METAP2: variants seen among roughly 807,000 people sequenced by gnomAD.
METAP2 encodes methionyl aminopeptidase 2, also known as methionine aminopeptidase 2.
METAP2 carries 25 observed loss-of-function variants against 59.4 expected under a neutral mutation model. The ratio of observed to expected loss-of-function variants is 0.42; its 90% CI spans 0.31 to 0.59. The LOEUF is 0.59. METAP2 is among the 20% of genes least tolerant of loss of function. The pLI is 0.16. For missense variants in METAP2, 366 were observed against 581.2 expected (o/e 0.63, Z 3.81); for synonymous variants, 214 against 194.1 (o/e 1.10, Z -0.85).
chr12:95,483,067 T>C lies in METAP2; in HGVS notation c.260-148T>C, dbSNP rs367693600. 359 of 702,554 alleles carry C rather than the reference T, an allele frequency of 5.1e-4. 1 individual carries two copies. In the African/African-American group the frequency reaches 5.7e-3, roughly 11 times the overall value. The allele number at this position is 702,554 out of a possible 1,614,324, so 43.5% of individuals were successfully genotyped here. On this transcript the variant is annotated intron_variant, in intron 2 of 10. Transcript: ENST00000323666. ...CCTGGTAGCTGCTTCCTATTTCTTATTTCAGTGAAAGAATAAATGTAAACA... is the reference window on the plus strand; with the variant it reads ...CCTGGTAGCTGCTTCCTATTTCTTACTTCAGTGAAAGAATAAATGTAAACA...
intron 4 of METAP2, among the ~76,000 whole-genome samples, chr12:95,488,900 A>AC (rs1555191067): frequency 6.6e-6 from 1 of 152,088 alleles, no homozygotes; most frequent in Non-Finnish European, 1.5e-5. Flanking sequence ...ACACACACAC[A>AC]AATGTCCTTG....
At chr12:95,481,334 C>G (rs114656033) in intron 2 of METAP2, among the ~76,000 whole-genome samples, 1 of 152,118 alleles carries the variant, frequency 6.6e-6, no homozygotes, top group Non-Finnish European at 1.5e-5. Context: ...TTTCCTGAGT[C>G]TGGGAGATTG....
In METAP2 at chr12:95,514,126, C is replaced by A; in HGVS notation, c.*222C>A. The A allele has an allele frequency of 1.9e-6, 1 of 523,598 alleles. No individual in the cohort carries two copies. The highest frequency in any genetic ancestry group is 3.3e-6 in the Non-Finnish European group (1 of 307,430). 32.4% of individuals were successfully genotyped at this position (523,598 alleles called of 1,614,324 possible). On this transcript the variant is annotated 3_prime_UTR_variant, in exon 11 of 11. Coordinates refer to ENST00000323666, the MANE Select transcript of METAP2 (RefSeq NM_006838.4). ...TTAAATGCTAACTGTTTTTCCCCTTCCTGTCTAGGAAAATGCTATAAAGCT... is the reference window on the plus strand; with the variant it reads ...TTAAATGCTAACTGTTTTTCCCCTTACTGTCTAGGAAAATGCTATAAAGCT...
rs59244667 is a variant in METAP2 at position 95,478,130 on chromosome 12, A to C, written c.259+1952A>C. Among the ~76,000 whole-genome samples, 384 of 149,580 alleles carry C rather than the reference A, an allele frequency of 2.6e-3. 1 individual carries two copies. The highest frequency in any genetic ancestry group is 5.6e-3 in the African/African-American group (228 of 40,732). ...ACCCGTCCACCTCCCCCCACCCCCC[A>C]AAAAAAATCACAGTGCTAATCTTGA... On this transcript the variant is annotated intron_variant, in intron 2 of 10. Coordinates refer to ENST00000323666, the MANE Select transcript of METAP2 (RefSeq NM_006838.4).
chr12:95,509,667 C>G (rs2076387035), intron 8 of METAP2, among the ~76,000 whole-genome samples: 1 of 152,078 alleles, frequency 6.6e-6, no homozygotes, highest in African/African-American at 2.4e-5. Context: ...AACTTTGACA[C>G]ATTTATATAA....
chr12:95,480,131 A>G lies in METAP2; in HGVS notation c.260-3084A>G, dbSNP rs921875769. On this transcript the variant is annotated intron_variant, in intron 2 of 10. Transcript: ENST00000323666. ...GTTTTGGCCTTTCCTGGAGTATCCTATAAATGGAATTATTCGGTATGTAGT... is the reference window on the plus strand; with the variant it reads ...GTTTTGGCCTTTCCTGGAGTATCCTGTAAATGGAATTATTCGGTATGTAGT... Among the ~76,000 whole-genome samples, 9 of 152,210 alleles carry G rather than the reference A, an allele frequency of 5.9e-5. No homozygotes were observed. The South Asian group carries it at 6.2e-4, about 11-fold the overall frequency.
intron 4 of METAP2, among the ~76,000 whole-genome samples, chr12:95,493,192 T>G (rs1338110169): frequency 6.6e-6 from 1 of 152,170 alleles, no homozygotes; most frequent in Non-Finnish European, 1.5e-5. Flanking sequence ...AATAAAAAAT[T>G]CTGTCAGTTG....
chr12:95,491,832 G>A (rs550297828), intron 4 of METAP2, among the ~76,000 whole-genome samples: 3 of 151,872 alleles, frequency 2.0e-5, no homozygotes, highest in Admixed American at 6.6e-5. Flanking sequence ...TTTGAGATAG[G>A]GTCTCATTCT....
At chr12:95,491,701 A>G (rs757198500) in intron 4 of METAP2, among the ~76,000 whole-genome samples, 1 of 151,972 alleles carries the variant, frequency 6.6e-6, no homozygotes, top group Non-Finnish European at 1.5e-5. Context: ...TAGTAGAAAC[A>G]GGGTCTTTCT....
At chr12:95,482,360 G>T in intron 2 of METAP2, 1 of 299,384 alleles carries the variant, frequency 3.3e-6, no homozygotes. Flanking sequence ...TGATCCACCT[G>T]CCTCAGCCTC....
At chr12:95,511,849 T>C (rs1376246709) in intron 8 of METAP2, 46 bp from the exon 9 acceptor site, 1 of 1,380,636 alleles carries the variant, frequency 7.2e-7, no homozygotes, top group South Asian at 1.3e-5. Context: ...CTGTTTTTGC[T>C]TCTTGAGATC....
intron 7 of METAP2, among the ~76,000 whole-genome samples, chr12:95,499,378 C>T (rs1594428969): frequency 6.6e-6 from 1 of 152,260 alleles, no homozygotes. Context: ...TGGCCTCAAG[C>T]AGTCCTCCTG....
chr12:95,495,162 A>AC (rs1302656286), intron 6 of METAP2, 24 bp downstream of exon 6: 2 of 1,571,462 alleles, frequency 1.3e-6, no homozygotes, highest in African/African-American at 2.7e-5. Context: ...GAAAATTCCT[A>AC]CCCCAGCCTC....
chr12:95,476,629 C>A (rs1249316477), intron 2 of METAP2, among the ~76,000 whole-genome samples: 1 of 152,076 alleles, frequency 6.6e-6, no homozygotes, highest in Non-Finnish European at 1.5e-5. Context: ...CAATTAATGT[C>A]ACAGATTAAA....
intron 7 of METAP2, among the ~76,000 whole-genome samples, chr12:95,496,552 A>G (rs947692373): frequency 6.6e-6 from 1 of 152,126 alleles, no homozygotes; most frequent in African/African-American, 2.4e-5. Context: ...CAATTATTCA[A>G]AGTTCATAGT....
intron 7 of METAP2, among the ~76,000 whole-genome samples, chr12:95,498,945 G>C (rs940855593): frequency 6.6e-6 from 1 of 151,918 alleles, no homozygotes; most frequent in Non-Finnish European, 1.5e-5. Flanking sequence ...AGCCCAGGGA[G>C]GTTGAGGCCT....
chr12:95,482,494 T>C (rs1237265546), intron 2 of METAP2, among the ~76,000 whole-genome samples: 2 of 152,096 alleles, frequency 1.3e-5, no homozygotes, highest in South Asian at 4.1e-4. Flanking sequence ...AATGGTGATT[T>C]TGAGGCTGGG....
At chr12:95,512,019 T>G (rs1289255737) in intron 9 of METAP2, 21 bp downstream of exon 9, 2 of 1,550,750 alleles carry the variant, frequency 1.3e-6, no homozygotes, top group South Asian at 2.3e-5. Context: ...CACTAACATT[T>G]TACTTCCATG....
intron 9 of METAP2, among the ~76,000 whole-genome samples, chr12:95,512,304 G>A (rs909324664): frequency 6.6e-6 from 1 of 152,106 alleles, no homozygotes; most frequent in African/African-American, 2.4e-5. Flanking sequence ...ATTCATAGGG[G>A]GAAGCAGAAA....
Sources: allele counts gnomAD v4.1 joint callset (sites outside exome capture counted in the v4.1 genomes callset), GRCh38; gene constraint gnomAD v4.1.1; transcripts MANE v1.5; gene names NCBI Gene and HGNC (gene_info 2026-07-23, HGNC 2026-07-21).